The following TENM3 variants were observed in gnomAD, a reference collection of about 807,000 sequenced individuals.
TENM3 encodes the protein teneurin transmembrane protein 3.
Under a neutral mutation model 255.1 loss-of-function variants are expected in TENM3, and 63 were observed. The ratio of observed to expected loss-of-function variants is 0.25; its 90% CI spans 0.20 to 0.30. The LOEUF (loss-of-function observed/expected upper bound fraction) is 0.30. Ranked by LOEUF, TENM3 falls within the 10% of genes least tolerant of loss-of-function variation. The probability of loss-of-function intolerance (pLI) is 1.00; values close to 1 mark genes in which losing one functional copy is unlikely to be tolerated. For synonymous variants in TENM3, 1,306 were observed against 1,322.3 expected (o/e 0.99, Z 0.27); for missense variants, 2,929 against 3,461.1 (o/e 0.85, Z 3.86).
intron 18 of TENM3, among the ~76,000 whole-genome samples, chr4:182,742,442 G>A (rs1761680209): frequency 6.6e-6 from 1 of 152,180 alleles, no homozygotes; most frequent in Admixed American, 6.5e-5. Flanking sequence ...GCATGTATAT[G>A]CATTCTCCTA....
intron 4 of TENM3, among the ~76,000 whole-genome samples, chr4:182,615,829 C>G (rs1321936023): frequency 6.6e-6 from 1 of 152,110 alleles, no homozygotes; most frequent in African/African-American, 2.4e-5. Flanking sequence ...CTCATTTGTT[C>G]TAAATTGACT....
intron 3 of TENM3, among the ~76,000 whole-genome samples, chr4:182,376,206 A>T (rs1767170526): frequency 6.6e-6 from 1 of 152,204 alleles, no homozygotes; most frequent in African/African-American, 2.4e-5. Flanking sequence ...AGAATACTGT[A>T]AGGGGAAAAA....
At chr4:182,641,536 T>G (rs562096501) in intron 5 of TENM3, among the ~76,000 whole-genome samples, 2 of 151,832 alleles carry the variant, frequency 1.3e-5, no homozygotes, top group Non-Finnish European at 2.9e-5. Flanking sequence ...TTTGTTGTTT[T>G]TTTTTTTTTG....
the TENM3 span, among the ~76,000 whole-genome samples, chr4:181,849,683 C>A: frequency 2.0e-5 from 3 of 152,044 alleles, no homozygotes; most frequent in Non-Finnish European, 4.4e-5. Flanking sequence ...TGTTGAGTTT[C>A]CCCCACGTCC....
the TENM3 span, among the ~76,000 whole-genome samples, chr4:181,707,192 T>A: frequency 1.3e-5 from 2 of 152,180 alleles, no homozygotes; most frequent in Non-Finnish European, 2.9e-5. Context: ...TCAGGTTACC[T>A]GGAAAGTAGC....
chr4:182,799,760 C>T lies in TENM3; in HGVS notation c.7509C>T (p.Ala2503=), dbSNP rs1456151273. The T allele has an allele frequency of 3.2e-6, 5 of 1,575,876 alleles. No individual in the cohort carries two copies. The highest frequency in any genetic ancestry group is 1.8e-5 in the Admixed American group (1 of 54,176). Residue 2503 remains alanine, a synonymous_variant, in exon 28 of 28, where the codon GCC becomes GCT. Transcript: ENST00000511685. The surrounding 1 kb of genome is among the most constrained non-coding windows in gnomAD (Gnocchi z 4.2). ...TGATCGGCAAGGGCGTCATGCTGGC[C>T]GTCAGCCAGGGCCGCGTGCAGACCA... is the stretch of plus-strand genomic sequence containing the variant. ...KSLIGKGVML[A]VSQGRVQTNV...
At chr4:182,762,000 T>G (rs1049510924) in intron 22 of TENM3, among the ~76,000 whole-genome samples, 1 of 152,230 alleles carries the variant, frequency 6.6e-6, no homozygotes, top group Non-Finnish European at 1.5e-5. Flanking sequence ...TAATACTTGA[T>G]CTATTCCAAT....
chr4:181,859,198 G>A, the TENM3 span, among the ~76,000 whole-genome samples: 104 of 138,624 alleles, frequency 7.5e-4, no homozygotes, highest in African/African-American at 2.5e-3. Flanking sequence ...AGCCGAGATC[G>A]TGCCACTGCG....
chr4:181,807,488 G>A, the TENM3 span, among the ~76,000 whole-genome samples: 2 of 152,016 alleles, frequency 1.3e-5, no homozygotes, highest in African/African-American at 2.4e-5. Context: ...CGAGTAGCTG[G>A]GATTATAGGC....
At chr4:181,470,127 A>AAAAAAAAAAAAAAAAAAG in the TENM3 span, among the ~76,000 whole-genome samples, 1 of 138,990 alleles carries the variant, frequency 7.2e-6, no homozygotes, top group African/African-American at 2.7e-5. Flanking sequence ...AAAAAAAAAC[A>AAAAAAAAAAAAAAAAAAG]TTATTCAAAA....
chr4:182,254,844 A>G (rs1218750956), intron 1 of TENM3, among the ~76,000 whole-genome samples: 2 of 152,178 alleles, frequency 1.3e-5, no homozygotes, highest in African/African-American at 2.4e-5. Flanking sequence ...ATCAGTGCCC[A>G]TTGCACTGAT....
At chr4:181,473,835 GTA>G in the TENM3 span, among the ~76,000 whole-genome samples, 9 of 142,462 alleles carry the variant, frequency 6.3e-5, no homozygotes, top group East Asian at 5.0e-4. Context: ...TATGTATACT[GTA>G]TATATATATA....
At chr4:181,880,227 T>C in the TENM3 span, among the ~76,000 whole-genome samples, 2 of 152,182 alleles carry the variant, frequency 1.3e-5, no homozygotes, top group Non-Finnish European at 2.9e-5. Flanking sequence ...TGATAACCTA[T>C]GCAGATGATT....
chr4:182,024,043 T>G, the TENM3 span, among the ~76,000 whole-genome samples: 1 of 152,206 alleles, frequency 6.6e-6, no homozygotes, highest in Non-Finnish European at 1.5e-5. Context: ...CATGATTATA[T>G]ATTTCAGTTT....
the TENM3 span, among the ~76,000 whole-genome samples, chr4:182,042,880 CGTGT>C: frequency 0.26 from 38,273 of 148,568 alleles, 5,687 homozygotes; most frequent in African/African-American, 0.42. Flanking sequence ...ATCGTGTGTG[CGTGT>C]GTGTGTGTGT....
the TENM3 span, among the ~76,000 whole-genome samples, chr4:182,004,016 A>G: frequency 6.6e-6 from 1 of 152,140 alleles, no homozygotes; most frequent in Non-Finnish European, 1.5e-5. Context: ...TTTTGTAAGT[A>G]AAGAGATATG....
the TENM3 span, among the ~76,000 whole-genome samples, chr4:182,050,518 T>C: frequency 6.6e-6 from 1 of 152,202 alleles, no homozygotes; most frequent in African/African-American, 2.4e-5. Flanking sequence ...GAAAATTCTA[T>C]TGTGGCTGAC....
At chr4:182,691,299 A>C (rs1756990265) in intron 12 of TENM3, among the ~76,000 whole-genome samples, 1 of 152,236 alleles carries the variant, frequency 6.6e-6, no homozygotes, top group African/African-American at 2.4e-5. Context: ...CTCATAAATC[A>C]GCCAGATTTT....
the TENM3 span, among the ~76,000 whole-genome samples, chr4:182,111,189 CTTT>C: frequency 2.8e-3 from 225 of 80,538 alleles, 1 homozygote; most frequent in Non-Finnish European, 4.0e-3. Context: ...GTCTTCTTCT[CTTT>C]TTTTTTTTTT....
Sources: gnomAD v4.1 joint callset for allele counts (sites outside exome capture counted in the v4.1 genomes callset) on GRCh38, gnomAD v4.1.1 for gene constraint, Gnocchi (gnomAD v3.1) non-coding constraint, MANE v1.5 for transcripts, NCBI Gene and HGNC (gene_info 2026-07-23, HGNC 2026-07-21) for gene names.